The following PCDH9 variants were observed in gnomAD, a reference collection of about 807,000 sequenced individuals.
The protein encoded by PCDH9 is protocadherin-9.
PCDH9 carries 24 observed loss-of-function variants against 70.6 expected under a neutral mutation model. The ratio of observed to expected loss-of-function variants is 0.34; its 90% CI spans 0.25 to 0.48. The LOEUF (loss-of-function observed/expected upper bound fraction) is 0.48, where lower values mean the gene tolerates loss of function less well. Ranked by LOEUF, PCDH9 falls within the 20% of genes least tolerant of loss-of-function variation. The pLI, the probability that PCDH9 is intolerant of heterozygous loss-of-function variation, is 0.99. For missense variants in PCDH9, 1,281 were observed against 1,503.6 expected (o/e 0.85, Z 2.45); for synonymous variants, 562 against 558.5 (o/e 1.01, Z -0.09).
intron 4 of PCDH9, among the ~76,000 whole-genome samples, chr13:66,496,245 C>T (rs1959114847): frequency 6.6e-6 from 1 of 152,136 alleles, no homozygotes; most frequent in African/African-American, 2.4e-5. Context: ...CAACTAAAAA[C>T]TTAGGTCATT....
chr13:66,916,198 T>C (rs2082554565), intron 2 of PCDH9, among the ~76,000 whole-genome samples: 1 of 151,664 alleles, frequency 6.6e-6, no homozygotes, highest in Admixed American at 6.6e-5. Flanking sequence ...ATATTCTCAA[T>C]CCCGTATTTT....
intron 2 of PCDH9, among the ~76,000 whole-genome samples, chr13:66,962,817 G>C (rs527434136): frequency 6.6e-6 from 1 of 152,116 alleles, no homozygotes; most frequent in African/African-American, 2.4e-5. Flanking sequence ...AATTTCCCAT[G>C]GATTGGGGTT....
chr13:67,221,519 AG>A (rs2089724636), intron 2 of PCDH9: 2 of 152,094 alleles, frequency 1.3e-5, no homozygotes, highest in Non-Finnish European at 2.9e-5. Context: ...GATTGTGAAA[AG>A]TCAGGATGTT....
intron 3 of PCDH9, among the ~76,000 whole-genome samples, chr13:66,754,869 G>C (rs2079516667): frequency 6.6e-6 from 1 of 152,020 alleles, no homozygotes; most frequent in African/African-American, 2.4e-5. Context: ...CATACATAAT[G>C]TTAATAGTCT....
intron 3 of PCDH9, among the ~76,000 whole-genome samples, chr13:66,634,149 C>A (rs999415404): frequency 2.6e-5 from 4 of 152,042 alleles, no homozygotes; most frequent in Admixed American, 2.6e-4. Flanking sequence ...AATGTTTAAA[C>A]TATGGAGGCT....
chr13:67,105,918 TAC>T (rs939618611), intron 2 of PCDH9, among the ~76,000 whole-genome samples: 41 of 150,970 alleles, frequency 2.7e-4, no homozygotes, highest in Admixed American at 8.6e-4. Flanking sequence ...CTAAGAAATA[TAC>T]ATATATATTT....
chr13:67,137,003 T>A (rs1461053804), intron 2 of PCDH9, among the ~76,000 whole-genome samples: 1 of 151,958 alleles, frequency 6.6e-6, no homozygotes, highest in Non-Finnish European at 1.5e-5. Flanking sequence ...TTGTAGATAA[T>A]TTTCATAAAT....
intron 2 of PCDH9, among the ~76,000 whole-genome samples, chr13:66,908,514 C>T (rs1007266959): frequency 1.3e-5 from 2 of 152,144 alleles, no homozygotes; most frequent in African/African-American, 4.8e-5. Flanking sequence ...ATCTTCTATT[C>T]ATAAGATAAG....
rs905134488 is a variant in PCDH9, at chr13:66,711,618, G to C, written c.3139-80207C>G. Among the ~76,000 whole-genome samples the C allele has an allele frequency of 2.6e-5, 4 of 152,238 alleles. No individual in the cohort carries two copies. In the South Asian group the frequency reaches 8.3e-4, roughly 32 times the overall value. On this transcript the variant is annotated intron_variant, in intron 3 of 4. Coordinates refer to ENST00000377865, the MANE Select transcript of PCDH9 (RefSeq NM_203487.3). ...ACACATAAAAGATCGTAAGACCCAA[G>C]AGTGGTAGACATTGGGTTATCTTAG...
intron 2 of PCDH9, among the ~76,000 whole-genome samples, chr13:67,074,572 A>G (rs1326551249): frequency 6.6e-6 from 1 of 152,168 alleles, no homozygotes; most frequent in Non-Finnish European, 1.5e-5. Context: ...TCTTGAAACC[A>G]ATCCAAGAGG....
intron 3 of PCDH9, among the ~76,000 whole-genome samples, chr13:66,649,149 TAA>T (rs943398783): frequency 2.0e-5 from 3 of 152,128 alleles, no homozygotes; most frequent in African/African-American, 7.2e-5. Flanking sequence ...TTCAAAGGGA[TAA>T]TTACTGTAAA....
chr13:66,308,988 T>C (rs1031081190), intron 4 of PCDH9, among the ~76,000 whole-genome samples: 1 of 152,124 alleles, frequency 6.6e-6, no homozygotes, highest in Non-Finnish European at 1.5e-5. Context: ...ATGAGCTGTA[T>C]TGTTGGAAAA....
At chr13:66,414,702 G>A (rs1049056400) in intron 4 of PCDH9, among the ~76,000 whole-genome samples, 1 of 152,120 alleles carries the variant, frequency 6.6e-6, no homozygotes, top group Admixed American at 6.5e-5. Flanking sequence ...GATAAGACTT[G>A]CTCATGTGAT....
chr13:66,579,851 C>T (rs537774402), intron 4 of PCDH9, among the ~76,000 whole-genome samples: 2 of 152,082 alleles, frequency 1.3e-5, no homozygotes, highest in South Asian at 4.2e-4. Context: ...GTGTTCTTAA[C>T]TATTAAGTTA....
chr13:66,612,661 A>C (rs2077306952), intron 4 of PCDH9, among the ~76,000 whole-genome samples: 1 of 152,120 alleles, frequency 6.6e-6, no homozygotes, highest in Non-Finnish European at 1.5e-5. Context: ...ATCCCTGAAG[A>C]AACTCAACCA....
At chr13:67,152,576 A>C (rs1260693051) in intron 2 of PCDH9, among the ~76,000 whole-genome samples, 5 of 152,184 alleles carry the variant, frequency 3.3e-5, no homozygotes, top group African/African-American at 1.2e-4. Flanking sequence ...TCTCAAGAAA[A>C]TGTCTGCAGC....
intron 3 of PCDH9, among the ~76,000 whole-genome samples, chr13:66,765,898 C>G (rs1165024850): frequency 6.6e-6 from 1 of 151,774 alleles, no homozygotes; most frequent in Non-Finnish European, 1.5e-5. Flanking sequence ...GAATATAGAA[C>G]CAGAGAAAGA....
intron 3 of PCDH9, among the ~76,000 whole-genome samples, chr13:66,777,543 CT>C (rs2079917856): frequency 6.6e-6 from 1 of 152,190 alleles, no homozygotes; most frequent in Non-Finnish European, 1.5e-5. Context: ...CTCACCATCA[CT>C]GGCCATCAGA....
intron 4 of PCDH9, among the ~76,000 whole-genome samples, chr13:66,443,686 G>A (rs2138408400): frequency 6.6e-6 from 1 of 151,902 alleles, no homozygotes; most frequent in East Asian, 1.9e-4. Context: ...TCAGTTCTTG[G>A]TAACATTTAT....
Sources: gnomAD v4.1 joint callset for allele counts (sites outside exome capture counted in the v4.1 genomes callset) on GRCh38, gnomAD v4.1.1 for gene constraint, MANE v1.5 for transcripts, NCBI Gene and HGNC (gene_info 2026-07-23, HGNC 2026-07-21) for gene names.